Variants in DNAH14 observed in about 807,000 individuals in gnomAD.
DNAH14 encodes dynein axonemal heavy chain 14.
In DNAH14, 478 loss-of-function variants were observed where a neutral mutation model predicts 520.9. That is an observed-to-expected ratio of 0.92 (90% CI 0.85 to 0.99). The LOEUF is 0.99. Ranked by LOEUF, DNAH14 falls within the 50% of genes least tolerant of loss-of-function variation. The probability of loss-of-function intolerance (pLI) is 0.00; values close to 1 mark genes in which losing one functional copy is unlikely to be tolerated. For missense variants in DNAH14, 4,831 were observed against 5,234.5 expected, an observed-to-expected ratio of 0.92 and a Z score of 2.38; for synonymous variants, 1,581 against 1,757.2, an observed-to-expected ratio of 0.90 and a Z score of 2.51.
chr1:225,167,807 T>A, intron 35 of DNAH14, 132 bp from the exon 36 acceptor site: 2 of 494,198 alleles, frequency 4.0e-6, no homozygotes, highest in Non-Finnish European at 7.1e-6. Context: ...CAGAGGTTGG[T>A]GAACTAAAAA....
chr1:225,362,186 G>A (rs772456748), intron 75 of DNAH14, among the ~76,000 whole-genome samples: 19 of 152,192 alleles, frequency 1.2e-4, no homozygotes, highest in Non-Finnish European at 2.1e-4. Flanking sequence ...AAAGAAATTA[G>A]AGAAACATTC....
intron 60 of DNAH14, among the ~76,000 whole-genome samples, chr1:225,310,812 G>A (rs2094349490): frequency 6.6e-6 from 1 of 152,180 alleles, no homozygotes; most frequent in African/African-American, 2.4e-5. Flanking sequence ...ATTCCATGGT[G>A]TATATGTGCC....
intron 35 of DNAH14, among the ~76,000 whole-genome samples, chr1:225,163,779 T>C (rs971628107): frequency 6.6e-6 from 1 of 152,182 alleles, no homozygotes; most frequent in Non-Finnish European, 1.5e-5. Context: ...AGAATTTTCA[T>C]GTCAATGTCC....
intron 17 of DNAH14, among the ~76,000 whole-genome samples, chr1:225,063,695 G>A (rs2070475937): frequency 6.6e-6 from 1 of 152,054 alleles, no homozygotes; most frequent in Admixed American, 6.6e-5. Context: ...ATAGTTCTAT[G>A]GGAAATGAGA....
chr1:225,398,525 A>G lies in DNAH14; in HGVS notation c.13497A>G (p.Ser4499=), dbSNP rs771518400. ...CCACCTCTCTTCCATCTTAGGGCTCAGCTTCCTCTCACACTGGAGTTTACA... is the reference window on the plus strand; with the variant it reads ...CCACCTCTCTTCCATCTTAGGGCTCGGCTTCCTCTCACACTGGAGTTTACA... The part of the protein sequence containing the change: ...LNIVRRAFKG[S]ASSHTGVYIF... The change falls in exon 85 of 86, where the codon TCA becomes TCG. Residue 4499 remains serine, a synonymous_variant. Transcript: ENST00000682510. 10 of 1,551,688 alleles carry G rather than the reference A, an allele frequency of 6.4e-6. No homozygotes were observed. The South Asian group carries it at 1.1e-4, about 17-fold the overall frequency.
chr1:225,119,575 G>C (rs938489579), intron 26 of DNAH14, among the ~76,000 whole-genome samples: 1 of 152,202 alleles, frequency 6.6e-6, no homozygotes, highest in Admixed American at 6.5e-5. Flanking sequence ...AGATTCAGCT[G>C]TATCAGAAAA....
intron 54 of DNAH14, among the ~76,000 whole-genome samples, chr1:225,285,449 G>T (rs565420714): frequency 3.3e-4 from 51 of 152,280 alleles, no homozygotes; most frequent in African/African-American, 1.1e-3. Flanking sequence ...TCAGGGTGAC[G>T]CAGGAGAATT....
intron 38 of DNAH14, among the ~76,000 whole-genome samples, chr1:225,199,645 T>C (rs934534681): frequency 7.2e-5 from 11 of 152,208 alleles, no homozygotes; most frequent in African/African-American, 2.4e-4. Context: ...TGCATGGTTT[T>C]GAAGGTTCCT....
chr1:225,193,248 G>GA (rs1209945645), intron 38 of DNAH14, among the ~76,000 whole-genome samples: 1 of 152,042 alleles, frequency 6.6e-6, no homozygotes, highest in African/African-American at 2.4e-5. Flanking sequence ...CCCTTTGTTA[G>GA]AAAAGTGAAT....
intron 49 of DNAH14, among the ~76,000 whole-genome samples, chr1:225,269,419 C>G (rs1439002522): frequency 2.0e-5 from 3 of 152,028 alleles, no homozygotes; most frequent in Non-Finnish European, 2.9e-5. Context: ...ATAGGCATGG[C>G]CAAGGACTTC....
chr1:225,152,670 ATTGT>A (rs2080614097), intron 32 of DNAH14, 23 bp from the exon 33 acceptor site: 3 of 1,505,370 alleles, frequency 2.0e-6, no homozygotes, highest in Admixed American at 2.5e-5. Context: ...TGGTGTTTTT[ATTGT>A]TTGTTTTTCT....
chr1:224,962,681 C>G (rs953145111), intron 4 of DNAH14, among the ~76,000 whole-genome samples: 2 of 152,186 alleles, frequency 1.3e-5, no homozygotes, highest in African/African-American at 4.8e-5. Flanking sequence ...TGCCAGACTC[C>G]TGACCTTGTT....
At chr1:225,109,015 A>G (rs1398561605) in intron 23 of DNAH14, among the ~76,000 whole-genome samples, 4 of 152,260 alleles carry the variant, frequency 2.6e-5, no homozygotes, top group African/African-American at 9.6e-5. Flanking sequence ...GTCAAAAATG[A>G]GTTCACTGTA....
chr1:225,306,269 A>T (rs778273994), intron 58 of DNAH14, among the ~76,000 whole-genome samples: 1 of 152,228 alleles, frequency 6.6e-6, no homozygotes. Context: ...AGTTCATTTT[A>T]GAGCAGTTGA....
At chr1:224,965,639 C>T (rs1195943764) in intron 5 of DNAH14, among the ~76,000 whole-genome samples, 1 of 152,036 alleles carries the variant, frequency 6.6e-6, no homozygotes, top group Non-Finnish European at 1.5e-5. Flanking sequence ...TCAGAGGCAA[C>T]AATATGAAGG....
At chr1:225,262,958 T>C (rs1362776831) in intron 46 of DNAH14, among the ~76,000 whole-genome samples, 1 of 151,928 alleles carries the variant, frequency 6.6e-6, no homozygotes, top group East Asian at 1.9e-4. Context: ...TAAAATGCTC[T>C]TGACAAATAA....
intron 73 of DNAH14, among the ~76,000 whole-genome samples, chr1:225,355,899 C>T (rs1574991138): frequency 6.6e-6 from 1 of 152,090 alleles, no homozygotes; most frequent in East Asian, 1.9e-4. Context: ...TAATAACTCC[C>T]CAGTCTCTCC....
chr1:225,392,240 G>C (rs1246185431), intron 83 of DNAH14, 51 bp from the exon 84 acceptor site: 2 of 1,541,850 alleles, frequency 1.3e-6, no homozygotes, highest in Non-Finnish European at 1.8e-6. Flanking sequence ...AACCCCAGCA[G>C]GAGGCCCTGA....
intron 30 of DNAH14, among the ~76,000 whole-genome samples, chr1:225,145,612 G>T (rs894891415): frequency 6.6e-6 from 1 of 152,060 alleles, no homozygotes; most frequent in Non-Finnish European, 1.5e-5. Context: ...TAAGACAGTG[G>T]TTTTCAAACT....
Sources: allele counts gnomAD v4.1 joint callset (sites outside exome capture counted in the v4.1 genomes callset), GRCh38; gene constraint gnomAD v4.1.1; transcripts MANE v1.5; gene names NCBI Gene and HGNC (gene_info 2026-07-23, HGNC 2026-07-21).